Variants in SLC16A12 observed in about 807,000 individuals in gnomAD.
SLC16A12 encodes the protein solute carrier family 16 member 12, also known as monocarboxylate transporter 12.
In SLC16A12, 17 loss-of-function variants were observed where a neutral mutation model predicts 42.4. That is an observed-to-expected ratio of 0.40 (90% confidence interval 0.27 to 0.60). SLC16A12 has a LOEUF of 0.60. Among genes scored for constraint, SLC16A12 ranks in the 20% least tolerant of loss-of-function variants. The probability of loss-of-function intolerance (pLI) is 0.42; values close to 1 mark genes in which losing one functional copy is unlikely to be tolerated. For synonymous variants in SLC16A12, 224 were observed against 229.4 expected (o/e 0.98, Z 0.21); for missense variants, 544 against 623.0 (o/e 0.87, Z 1.35).
chr10:89,499,771 C>T (rs915021886), intron 2 of SLC16A12, among the ~76,000 whole-genome samples: 5 of 151,750 alleles, frequency 3.3e-5, no homozygotes, highest in African/African-American at 1.2e-4. Context: ...CAAACCCAAA[C>T]CCAGCAGAAG....
intron 3 of SLC16A12, among the ~76,000 whole-genome samples, chr10:89,447,073 T>C (rs1293371062): frequency 1.3e-5 from 2 of 152,140 alleles, no homozygotes. Context: ...CCTAAATATA[T>C]ACGCACCCAA....
At chr10:89,536,110 G>C (rs1425719069), upstream of SLC16A12, among the ~76,000 whole-genome samples, 1 of 152,198 alleles carries the variant, frequency 6.6e-6, no homozygotes, top group Non-Finnish European at 1.5e-5. Flanking sequence ...CTCTAGGACT[G>C]CCGGACCCTC....
At chr10:89,532,134 A>G (rs180849868) in intron 2 of SLC16A12, among the ~76,000 whole-genome samples, 5 of 152,352 alleles carry the variant, frequency 3.3e-5, no homozygotes, top group Admixed American at 2.0e-4. Context: ...AGTTCAATAA[A>G]TATTCATTAA....
At chr10:89,452,599 T>A (rs1380033026) in intron 3 of SLC16A12, among the ~76,000 whole-genome samples, 1 of 152,162 alleles carries the variant, frequency 6.6e-6, no homozygotes, top group Non-Finnish European at 1.5e-5. Context: ...GTATTTTCAT[T>A]TTGCACTGGG....
At chr10:89,493,546 TC>T (rs1279277302) in intron 2 of SLC16A12, among the ~76,000 whole-genome samples, 2 of 152,166 alleles carry the variant, frequency 1.3e-5, no homozygotes, top group African/African-American at 4.8e-5. Flanking sequence ...CACCCTAAAG[TC>T]CTACTTTTTA....
At position 89,436,864 on chromosome 10, in the gene SLC16A12, A is replaced by AGG. The variant is rs1396717088; in HGVS notation, c.1029-546_1029-545insCC. 9.4e-4 allele frequency among the ~76,000 whole-genome samples: 91 copies of AGG among 96,480 alleles called. 1 individual carries two copies. The highest frequency in any genetic ancestry group is 3.2e-3 in the African/African-American group (87 of 26,964). The allele number at this position is 96,480 out of a possible 152,430, so 63.3% of individuals were successfully genotyped here. On this transcript the variant is annotated intron_variant, in intron 6 of 7. Coordinates refer to ENST00000371790, the MANE Select transcript of SLC16A12 (RefSeq NM_213606.4). ...GAGAAAGAAAGAAAAGAAAGAAATAAAGAAAAAGAAAGAAAGAAAGAAAGA... is the reference window on the plus strand; with the variant it reads ...GAGAAAGAAAGAAAAGAAAGAAATAAGGAGAAAAAGAAAGAAAGAAAGAAAGA...
chr10:89,454,887 T>G (rs750882940), intron 3 of SLC16A12, among the ~76,000 whole-genome samples: 13 of 152,306 alleles, frequency 8.5e-5, no homozygotes, highest in Non-Finnish European at 1.5e-4. Flanking sequence ...TATCTCACAC[T>G]GAATCCCAAA....
chr10:89,474,003 TATAA>T (rs1329267613), intron 2 of SLC16A12, among the ~76,000 whole-genome samples: 1 of 152,182 alleles, frequency 6.6e-6, no homozygotes, highest in Non-Finnish European at 1.5e-5. Context: ...CCTATAATAC[TATAA>T]ATTTCTTTCA....
At chr10:89,553,463 T>A (rs771477076) in intron 2 of SLC16A12, among the ~76,000 whole-genome samples, 1 of 152,246 alleles carries the variant, frequency 6.6e-6, no homozygotes, top group African/African-American at 2.4e-5. Flanking sequence ...ATTTCAATAC[T>A]AAATTGTTTA....
intron 2 of SLC16A12, among the ~76,000 whole-genome samples, chr10:89,500,254 G>T (rs967676264): frequency 2.0e-4 from 30 of 152,084 alleles, no homozygotes; most frequent in African/African-American, 7.2e-4. Context: ...TATTCCACAA[G>T]ATAGAGAAAT....
At chr10:89,442,743 A>C (rs902208457) in intron 4 of SLC16A12, among the ~76,000 whole-genome samples, 4 of 152,190 alleles carry the variant, frequency 2.6e-5, no homozygotes, top group Middle Eastern at 3.2e-3. Flanking sequence ...TCCCAACCAA[A>C]CAAATATTAT....
rs151107208 is a variant in SLC16A12 at position 89,551,967 on chromosome 10, G to A, written c.-47+3915C>T. On this transcript the variant is annotated intron_variant, in intron 2 of 2. Coordinates refer to the SLC16A12 transcript ENST00000475682. The stretch of plus-strand genomic sequence containing the variant: ...TTTTAATTTTTTGAGACAGAGTCTC[G>A]CCCTGTCGTCCAGGCTGGAGCGCAG... Among the ~76,000 whole-genome samples, 605 of 152,122 alleles carry A rather than the reference G, an allele frequency of 4.0e-3. 4 individuals carry two copies. The highest frequency in any genetic ancestry group is 6.3e-3 in the Non-Finnish European group (427 of 67,998).
At position 89,462,621 on chromosome 10, in the gene SLC16A12, C is replaced by T. The variant is rs1472301361; in HGVS notation, c.-43G>A. The T allele has an allele frequency of 1.9e-6, 3 of 1,543,322 alleles. No individual in the cohort carries two copies. Among genetic ancestry groups the T allele is most frequent in the African/African-American group, 1.4e-5 (1 of 72,758 alleles). On this transcript the variant is annotated 5_prime_UTR_variant, in exon 3 of 8. Coordinates refer to ENST00000371790, the MANE Select transcript of SLC16A12 (RefSeq NM_213606.4). ...CGCTACCTGGCCCATGGGTTACTCG[C>T]CATCTAAAACCAAAAATCAGGACAT...
At chr10:89,440,753 C>T (rs571985653) in intron 5 of SLC16A12, among the ~76,000 whole-genome samples, 1 of 152,302 alleles carries the variant, frequency 6.6e-6, no homozygotes, top group East Asian at 1.9e-4. Flanking sequence ...GATTGACCGT[C>T]AATAGTATTT....
chr10:89,459,316 T>A (rs10887963), intron 3 of SLC16A12, among the ~76,000 whole-genome samples: 15,304 of 148,862 alleles, frequency 0.1, 806 homozygotes, highest in South Asian at 0.2. Context: ...GCAGTTTTTT[T>A]AAAAAAAAAA....
At position 89,494,261 on chromosome 10, in the gene SLC16A12, G is replaced by A. The variant is rs116765286; in HGVS notation, c.-46-31637C>T. 9.6e-3 allele frequency among the ~76,000 whole-genome samples: 1,457 copies of A among 152,278 alleles called. 26 individuals carry two copies. The highest frequency in any genetic ancestry group is 0.033 in the African/African-American group (1,367 of 41,540). On this transcript the variant is annotated intron_variant, in intron 2 of 7. Transcript: ENST00000371790. Reference sequence around the variant, plus strand: ...TATTTCATACACACTGTTGACAGCAGTATTAACCGGTTCAATTGTTTTGGA... The same window carrying A: ...TATTTCATACACACTGTTGACAGCAATATTAACCGGTTCAATTGTTTTGGA...
At chr10:89,551,069 T>A (rs1303191599) in intron 2 of SLC16A12, among the ~76,000 whole-genome samples, 1 of 152,172 alleles carries the variant, frequency 6.6e-6, no homozygotes, top group Non-Finnish European at 1.5e-5. Flanking sequence ...GTTAGAAAGG[T>A]CCATTTTGGA....
intron 2 of SLC16A12, among the ~76,000 whole-genome samples, chr10:89,555,698 CATATATAT>C (rs57404736): frequency 5.6e-5 from 7 of 124,658 alleles, no homozygotes; most frequent in African/African-American, 2.1e-4. Context: ...CACATATATA[CATATATAT>C]ATATATATAT....
At chr10:89,445,723 C>T (rs71471125) in intron 3 of SLC16A12, among the ~76,000 whole-genome samples, 61 of 152,228 alleles carry the variant, frequency 4.0e-4, no homozygotes, top group African/African-American at 1.3e-3. Flanking sequence ...AGCTCCTCAC[C>T]GGCGACAGAA....
Sources: allele counts gnomAD v4.1 joint callset (sites outside exome capture counted in the v4.1 genomes callset), GRCh38; gene constraint gnomAD v4.1.1; transcripts MANE v1.5; gene names NCBI Gene and HGNC (gene_info 2026-07-23, HGNC 2026-07-21).